Variants in FBXL20 observed in about 807,000 individuals in gnomAD.
The protein encoded by FBXL20 is F-box and leucine rich repeat protein 20, also known as F-box/LRR-repeat protein 20.
In FBXL20, 11 loss-of-function variants were observed where a neutral mutation model predicts 64.0. That is an observed-to-expected ratio of 0.17 (90% CI 0.11 to 0.28). The LOEUF is 0.28. Ranked by LOEUF, FBXL20 falls within the 10% of genes least tolerant of loss-of-function variation. The pLI is 1.00. For synonymous variants in FBXL20, 184 were observed against 189.0 expected (o/e 0.97, Z 0.22); for missense variants, 303 against 526.2 (o/e 0.58, Z 4.15).
rs190932383 is a variant in FBXL20 at position 39,400,662 on chromosome 17, G to A, written c.42+699C>T. Among the ~76,000 whole-genome samples the A allele has an allele frequency of 2.0e-3, 308 of 152,248 alleles. 1 individual carries two copies. The highest frequency in any genetic ancestry group is 7.2e-3 in the African/African-American group (298 of 41,536). On this transcript the variant is annotated intron_variant, in intron 1 of 14. Coordinates refer to ENST00000264658, the MANE Select transcript of FBXL20 (RefSeq NM_032875.3). ...CAAGACCGTCCACTCCTCAATTCCAGGACAGTAAACCTCCCTCGCTAGAGG... is the reference window on the plus strand; with the variant it reads ...CAAGACCGTCCACTCCTCAATTCCAAGACAGTAAACCTCCCTCGCTAGAGG...
intron 2 of FBXL20, among the ~76,000 whole-genome samples, chr17:39,323,368 T>C (rs1357217729): frequency 3.3e-5 from 5 of 152,148 alleles, no homozygotes; most frequent in Non-Finnish European, 7.3e-5. Context: ...GGAAATTCAG[T>C]AACAATATAA....
chr17:39,402,401 G>A, upstream of FBXL20: 1 of 408,422 alleles, frequency 2.4e-6, no homozygotes, highest in Non-Finnish European at 4.2e-6. Context: ...GCTCGGGAGG[G>A]CGAGGGTGGT....
chr17:39,258,740 G>A lies in FBXL20; in HGVS notation c.*2720C>T, dbSNP rs1049146090. 4.6e-5 allele frequency: 7 copies of A among 152,182 alleles called. No homozygotes were observed. Among genetic ancestry groups the A allele is most frequent in the Non-Finnish European group, 7.3e-5 (5 of 68,032 alleles). The allele number at this position is 152,182 out of a possible 1,614,324, so 9.4% of individuals were successfully genotyped here. On this transcript the variant is annotated 3_prime_UTR_variant, in exon 15 of 15. Transcript: ENST00000264658. ...CTGGGTTTTATGGTCAATTTGTACA[G>A]GCACTAAAACAACAACAAAACACCT...
chr17:39,308,840 C>T (rs1053649658), intron 2 of FBXL20, among the ~76,000 whole-genome samples: 1 of 152,080 alleles, frequency 6.6e-6, no homozygotes, highest in Non-Finnish European at 1.5e-5. Flanking sequence ...GCTGGGATTA[C>T]AGGAGTGAGC....
At position 39,279,395 on chromosome 17, in the gene FBXL20, A is replaced by C. The variant is rs374377440; in HGVS notation, c.696+1994T>G. ...ACACCTGTAGTCCAAGCTACTCAGA[A>C]GGCTGAGGTGGAAGGATTGCTTGAG... On this transcript the variant is annotated intron_variant, in intron 9 of 14. Transcript: ENST00000264658. 7.9e-4 allele frequency among the ~76,000 whole-genome samples: 120 copies of C among 151,850 alleles called. 1 individual carries two copies. Among genetic ancestry groups the C allele is most frequent in the African/African-American group, 2.8e-3 (117 of 41,406 alleles).
At chr17:39,366,048 A>G (rs1049312161) in intron 1 of FBXL20, among the ~76,000 whole-genome samples, 2 of 151,984 alleles carry the variant, frequency 1.3e-5, no homozygotes, top group Non-Finnish European at 2.9e-5. Context: ...TAGACTGGCT[A>G]TTCACAGGAG....
upstream of FBXL20, chr17:39,401,710 C>G (rs1229343629): frequency 3.8e-6 from 4 of 1,045,922 alleles, no homozygotes; most frequent in Non-Finnish European, 3.5e-6. Flanking sequence ...GCCCGGGCCT[C>G]GGAGCGCCCG....
intron 2 of FBXL20, among the ~76,000 whole-genome samples, chr17:39,315,868 A>AGAGAGAGG (rs368094288): frequency 1.2e-3 from 176 of 144,592 alleles, no homozygotes; most frequent in Middle Eastern, 3.5e-3. Context: ...AGAGAGAGAG[A>AGAGAGAGG]GAGCAACTGT....
chr17:39,389,864 A>G (rs1251850347), intron 1 of FBXL20, among the ~76,000 whole-genome samples: 1 of 152,180 alleles, frequency 6.6e-6, no homozygotes, highest in Non-Finnish European at 1.5e-5. Flanking sequence ...GTCTGTGTTT[A>G]ATCATGTCAT....
chr17:39,372,006 G>A (rs1477020216), intron 1 of FBXL20, among the ~76,000 whole-genome samples: 3 of 152,106 alleles, frequency 2.0e-5, no homozygotes, highest in Non-Finnish European at 4.4e-5. Flanking sequence ...GAACTTTTCA[G>A]GAGCTTCACA....
intron 1 of FBXL20, among the ~76,000 whole-genome samples, chr17:39,392,975 A>G (rs1400213697): frequency 6.6e-6 from 1 of 150,950 alleles, no homozygotes; most frequent in Non-Finnish European, 1.5e-5. Flanking sequence ...CCTGGACAAC[A>G]AGAGTGAAAC....
chr17:39,376,571 G>C (rs922702092), intron 1 of FBXL20, among the ~76,000 whole-genome samples: 4 of 152,192 alleles, frequency 2.6e-5, no homozygotes, highest in Admixed American at 6.6e-5. Flanking sequence ...GAAGTAGGAA[G>C]TTGAAGGCTA....
chr17:39,378,594 C>T (rs530213008), intron 1 of FBXL20, among the ~76,000 whole-genome samples: 3 of 152,154 alleles, frequency 2.0e-5, no homozygotes, highest in South Asian at 2.1e-4. Context: ...CTGACACCCA[C>T]ACCCACTAGA....
At chr17:39,361,538 C>T (rs1421995080) in intron 1 of FBXL20, among the ~76,000 whole-genome samples, 2 of 152,154 alleles carry the variant, frequency 1.3e-5, no homozygotes, top group African/African-American at 4.8e-5. Flanking sequence ...TGGCTTATGC[C>T]TGTAATCCCA....
At chr17:39,384,542 AAATAT>A (rs1239257952) in intron 1 of FBXL20, among the ~76,000 whole-genome samples, 2 of 151,568 alleles carry the variant, frequency 1.3e-5, no homozygotes, top group Admixed American at 6.6e-5. Flanking sequence ...TAAATAAATA[AAATAT>A]AATAAAATTT....
intron 11 of FBXL20, among the ~76,000 whole-genome samples, chr17:39,269,745 C>T (rs558761063): frequency 1.3e-5 from 2 of 148,190 alleles, no homozygotes; most frequent in Non-Finnish European, 3.0e-5. Context: ...TGATCCACCC[C>T]CCTTGGCCTC....
At chr17:39,392,942 G>A (rs763063478) in intron 1 of FBXL20, among the ~76,000 whole-genome samples, 23 of 150,320 alleles carry the variant, frequency 1.5e-4, no homozygotes, top group Non-Finnish European at 2.5e-4. Flanking sequence ...CGGAGGAGCC[G>A]AGATCGTGTC....
At chr17:39,349,080 C>T (rs995536300) in intron 1 of FBXL20, among the ~76,000 whole-genome samples, 3 of 151,682 alleles carry the variant, frequency 2.0e-5, no homozygotes, top group African/African-American at 4.8e-5. Flanking sequence ...GATGAAACCC[C>T]GTCTCTACTA....
chr17:39,382,473 G>T (rs961444362), intron 1 of FBXL20, among the ~76,000 whole-genome samples: 12 of 150,910 alleles, frequency 8.0e-5, no homozygotes, highest in African/African-American at 2.7e-4. Flanking sequence ...TAGATGAAAG[G>T]AACAGGCCTT....
Sources: allele counts gnomAD v4.1 joint callset (sites outside exome capture counted in the v4.1 genomes callset), GRCh38; gene constraint gnomAD v4.1.1; transcripts MANE v1.5; gene names NCBI Gene and HGNC (gene_info 2026-07-23, HGNC 2026-07-21).